The following GUCY1A2 variants were observed in gnomAD, a reference collection of about 807,000 sequenced individuals.
The protein encoded by GUCY1A2 is guanylate cyclase 1 soluble subunit alpha 2, also known as guanylate cyclase soluble subunit alpha-2.
In GUCY1A2, 27 loss-of-function variants were observed where a neutral mutation model predicts 63.5. The ratio of observed to expected loss-of-function variants is 0.43; its 90% confidence interval spans 0.31 to 0.59. The LOEUF is 0.59. Ranked by LOEUF, GUCY1A2 falls within the 20% of genes least tolerant of loss-of-function variation. The pLI is 0.11. For synonymous variants in GUCY1A2, 364 were observed against 343.5 expected, an observed-to-expected ratio of 1.06 and a Z score of -0.66; for missense variants, 768 against 913.3, an observed-to-expected ratio of 0.84 and a Z score of 2.05.
At chr11:106,906,681 C>A (rs374358472) in intron 4 of GUCY1A2, among the ~76,000 whole-genome samples, 2 of 152,092 alleles carry the variant, frequency 1.3e-5, no homozygotes, top group Admixed American at 6.5e-5. Flanking sequence ...GACTTGGAAC[C>A]GACCCAAATG....
chr11:106,886,084 G>C (rs1356750054), intron 4 of GUCY1A2, among the ~76,000 whole-genome samples: 1 of 152,046 alleles, frequency 6.6e-6, no homozygotes, highest in Admixed American at 6.6e-5. Flanking sequence ...TCCCCTTCTT[G>C]ATCACAAGAG....
intron 4 of GUCY1A2, among the ~76,000 whole-genome samples, chr11:106,890,809 A>G (rs537424148): frequency 9.2e-5 from 14 of 152,178 alleles, no homozygotes; most frequent in Non-Finnish European, 1.9e-4. Context: ...GCCTAGAGAA[A>G]CTACTGAAGT....
At chr11:106,922,903 G>A (rs1295993369) in intron 4 of GUCY1A2, among the ~76,000 whole-genome samples, 1 of 151,686 alleles carries the variant, frequency 6.6e-6, no homozygotes, top group Non-Finnish European at 1.5e-5. Context: ...GGCGACAGTG[G>A]CAACGAAAGA....
intron 5 of GUCY1A2, among the ~76,000 whole-genome samples, chr11:106,780,779 T>G (rs906084187): frequency 2.0e-5 from 3 of 152,182 alleles, no homozygotes; most frequent in African/African-American, 4.8e-5. Context: ...GCATATACAT[T>G]AAGTAAAGTG....
chr11:106,956,007 T>G (rs1020650283), intron 3 of GUCY1A2, among the ~76,000 whole-genome samples: 1 of 151,852 alleles, frequency 6.6e-6, no homozygotes, highest in African/African-American at 2.4e-5. Flanking sequence ...TTTTCTCTAT[T>G]CTTGTCTGCA....
intron 4 of GUCY1A2, among the ~76,000 whole-genome samples, chr11:106,916,534 TC>T (rs1860372230): frequency 6.9e-6 from 1 of 145,494 alleles, no homozygotes; most frequent in South Asian, 2.4e-4. Flanking sequence ...TCCTTCATGT[TC>T]CTGCTTAAAG....
At chr11:106,872,711 G>T (rs1445092194) in intron 4 of GUCY1A2, among the ~76,000 whole-genome samples, 5 of 152,168 alleles carry the variant, frequency 3.3e-5, no homozygotes, top group African/African-American at 4.8e-5. Flanking sequence ...CATGCTGTCT[G>T]GATGACCAAT....
chr11:106,843,031 A>G (rs961413760), intron 4 of GUCY1A2, among the ~76,000 whole-genome samples: 1 of 151,892 alleles, frequency 6.6e-6, no homozygotes, highest in Non-Finnish European at 1.5e-5. Flanking sequence ...TTCAAGGGAG[A>G]AAAAGGTTCT....
At chr11:106,883,604 A>T (rs1859857009) in intron 4 of GUCY1A2, among the ~76,000 whole-genome samples, 1 of 152,132 alleles carries the variant, frequency 6.6e-6, no homozygotes, top group Non-Finnish European at 1.5e-5. Flanking sequence ...ACAAATGATA[A>T]TTACATTTAG....
chr11:106,927,065 A>G (rs945824678), intron 4 of GUCY1A2, among the ~76,000 whole-genome samples: 1 of 151,758 alleles, frequency 6.6e-6, no homozygotes, highest in African/African-American at 2.4e-5. Flanking sequence ...TCTTTGAAAT[A>G]CATAATCCCA....
intron 4 of GUCY1A2, among the ~76,000 whole-genome samples, chr11:106,897,713 T>A (rs1272754935): frequency 1.3e-5 from 2 of 150,388 alleles, no homozygotes; most frequent in Admixed American, 6.6e-5. Flanking sequence ...AAATGCAAAA[T>A]GGATCACAGA....
intron 4 of GUCY1A2, among the ~76,000 whole-genome samples, chr11:106,902,963 G>C (rs897913440): frequency 6.6e-6 from 1 of 152,090 alleles, no homozygotes; most frequent in Non-Finnish European, 1.5e-5. Flanking sequence ...CAGATACCAA[G>C]GGACGACAGT....
At chr11:106,960,694 C>A (rs1231665314) in intron 3 of GUCY1A2, among the ~76,000 whole-genome samples, 1 of 152,048 alleles carries the variant, frequency 6.6e-6, no homozygotes, top group African/African-American at 2.4e-5. Context: ...GTTTTAAGTT[C>A]TTAAATCATC....
At chr11:106,826,614 T>C in intron 4 of GUCY1A2, 8 of 1,604,198 alleles carry the variant, frequency 5.0e-6, no homozygotes, top group Non-Finnish European at 6.8e-6. Flanking sequence ...CTAAGCCCTG[T>C]GCATTGTATT....
At chr11:106,804,706 T>C (rs1004958990) in intron 5 of GUCY1A2, among the ~76,000 whole-genome samples, 2 of 152,194 alleles carry the variant, frequency 1.3e-5, no homozygotes, top group African/African-American at 2.4e-5. Context: ...GTCAGAAACA[T>C]CTGTTTTCAG....
chr11:106,721,233 A>T (rs1863311186), intron 6 of GUCY1A2, among the ~76,000 whole-genome samples: 1 of 151,940 alleles, frequency 6.6e-6, no homozygotes, highest in Admixed American at 6.6e-5. Context: ...TAATTTTTGT[A>T]TCTTTAGTAG....
intron 6 of GUCY1A2, among the ~76,000 whole-genome samples, chr11:106,714,000 ACT>A (rs771598665): frequency 9.1e-5 from 8 of 87,600 alleles, no homozygotes; most frequent in African/African-American, 3.7e-4. Flanking sequence ...CACATTTTAC[ACT>A]CTTTTTTTCT....
intron 3 of GUCY1A2, among the ~76,000 whole-genome samples, chr11:106,953,378 T>C (rs1860937509): frequency 1.3e-5 from 2 of 152,234 alleles, no homozygotes; most frequent in South Asian, 4.1e-4. Flanking sequence ...GAAGCCCACT[T>C]GCTCATGGTG....
intron 3 of GUCY1A2, among the ~76,000 whole-genome samples, chr11:106,969,568 G>C (rs1177102829): frequency 1.4e-5 from 2 of 144,746 alleles, no homozygotes; most frequent in African/African-American, 5.1e-5. Flanking sequence ...AAGAAATAAA[G>C]ACAAAAAAAA....
Sources: allele counts gnomAD v4.1 joint callset (sites outside exome capture counted in the v4.1 genomes callset), GRCh38; gene constraint gnomAD v4.1.1; transcripts MANE v1.5; gene names NCBI Gene and HGNC (gene_info 2026-07-23, HGNC 2026-07-21).